SYNRG: variants seen among roughly 807,000 people sequenced by gnomAD.
SYNRG encodes AP1 gamma subunit binding protein 1.
A neutral mutation model predicts 130.9 loss-of-function variants in SYNRG; 37 were observed. That is an observed-to-expected ratio of 0.28 (90% CI 0.22 to 0.37). The LOEUF (loss-of-function observed/expected upper bound fraction) is 0.37. Among genes scored for constraint, SYNRG ranks in the 10% least tolerant of loss-of-function variants. The pLI, the probability that SYNRG is intolerant of heterozygous loss-of-function variation, is 1.00. For missense variants in SYNRG, 1,338 were observed against 1,588.9 expected (o/e 0.84, Z 2.68); for synonymous variants, 539 against 568.1 (o/e 0.95, Z 0.73).
At chr17:37,604,231 C>A (rs753663866) in intron 1 of SYNRG, among the ~76,000 whole-genome samples, 1 of 130,594 alleles carries the variant, frequency 7.7e-6, no homozygotes, top group African/African-American at 3.1e-5. Flanking sequence ...CAGAGTGAGA[C>A]TCTGTCTATA....
At chr17:37,589,605 C>T (rs1031551137) in intron 3 of SYNRG, among the ~76,000 whole-genome samples, 5 of 151,890 alleles carry the variant, frequency 3.3e-5, no homozygotes, top group African/African-American at 4.8e-5. Flanking sequence ...AAAAATTAGC[C>T]GGGCGTGGTG....
chr17:37,576,366 C>G lies in SYNRG; in HGVS notation c.876G>C (p.Trp292Cys). ...QDPAQPRMPP[W>C]IYNESLVPDA... is the part of the protein sequence containing the mutation. ...CTGGAACCAAACTCTCATTGTAAAT[C>G]CAAGGAGGCATTCTGGGCTGAGCAG... Residue 292 changes from tryptophan (W) to cysteine (C), a missense_variant, in exon 8 of 22, where the codon TGG becomes TGC. By Grantham distance (215) the Trp-to-Cys change is radical (BLOSUM62 -2). Coordinates refer to ENST00000612223, the MANE Select transcript of SYNRG (RefSeq NM_007247.6). The G allele has an allele frequency of 6.2e-7, 1 of 1,613,844 alleles. No homozygotes were observed. Among genetic ancestry groups the G allele is most frequent in the Non-Finnish European group, 8.5e-7 (1 of 1,179,898 alleles).
At chr17:37,534,630 C>G (rs547286298) in intron 19 of SYNRG, among the ~76,000 whole-genome samples, 9 of 151,982 alleles carry the variant, frequency 5.9e-5, no homozygotes, top group Admixed American at 2.6e-4. Flanking sequence ...CTTGCCAGAA[C>G]AGTATTTTTT....
chr17:37,572,730 AT>A (rs1252966273), intron 8 of SYNRG, among the ~76,000 whole-genome samples: 5 of 152,230 alleles, frequency 3.3e-5, no homozygotes, highest in African/African-American at 1.2e-4. Context: ...TGCTACGGAA[AT>A]ACAGCCTTTA....
chr17:37,533,588 CT>C lies in SYNRG; in HGVS notation c.3666+2390del, dbSNP rs533546189. ...ATTATATTTTCTTTCTTTTCTTTTT[CT>C]TTTTTTTTTTTTTTTGAGACAGAGA... On this transcript the variant is annotated intron_variant, in intron 19 of 21. Coordinates refer to ENST00000612223, the MANE Select transcript of SYNRG (RefSeq NM_007247.6). Among the ~76,000 whole-genome samples, 543 of 135,314 alleles carry C rather than the reference CT, an allele frequency of 4.0e-3. 1 individual carries two copies. The highest frequency in any genetic ancestry group is 5.9e-3 in the African/African-American group (217 of 36,750). The allele number at this position is 135,314 out of a possible 152,430, so 88.8% of individuals were successfully genotyped here.
chr17:37,553,783 T>C lies in SYNRG; in HGVS notation c.1940A>G (p.Gln647Arg), dbSNP rs745855958. The change falls in exon 14 of 22, where the codon CAG becomes CGG. Residue 647 changes from glutamine to arginine, a missense_variant. By Grantham distance (43) the Gln-to-Arg change is conservative. Coordinates refer to ENST00000612223, the MANE Select transcript of SYNRG (RefSeq NM_007247.6). Reference sequence around the variant, plus strand: ...CATAGTAGCAGCAGAACCTGTTGACTGTGGTGTAGAAACTGATTTTGATGT... The same window carrying C: ...CATAGTAGCAGCAGAACCTGTTGACCGTGGTGTAGAAACTGATTTTGATGT... ...FSTSKSVSTPQSTGSAATMTA... is the reference protein window; with the variant it reads ...FSTSKSVSTPRSTGSAATMTA... 2.5e-6 allele frequency: 4 copies of C among 1,612,398 alleles called. No homozygotes were observed. In the South Asian group the frequency reaches 4.4e-5, roughly 18 times the overall value.
At position 37,570,662 on chromosome 17, in the gene SYNRG, A is replaced by T. The variant is rs111738098; in HGVS notation, c.1322T>A (p.Phe441Tyr). The T allele has an allele frequency of 7.5e-5, 121 of 1,613,900 alleles. No homozygotes were observed. In the African/African-American group the frequency reaches 1.3e-3, roughly 18 times the overall value. ...GGAAAQASSG[F>Y]IPTYPANQVV... ...CTGATTTGCAGGGTAGGTTGGTATG[A>T]AACCACTAGAAGCCTGGGCTGCAGC... Residue 441 changes from phenylalanine to tyrosine, a missense_variant, in exon 10 of 22, where the codon TTC becomes TAC. By Grantham distance (22) the Phe-to-Tyr change is conservative. This residue lies in a region of SYNRG where 1,146 missense variants were observed against 1,342.3 expected (regional missense o/e 0.85). Coordinates refer to ENST00000612223, the MANE Select transcript of SYNRG (RefSeq NM_007247.6).
intron 6 of SYNRG, among the ~76,000 whole-genome samples, chr17:37,577,854 A>C (rs2060975208): frequency 4.5e-5 from 1 of 22,228 alleles, no homozygotes; most frequent in South Asian, 3.3e-3. Flanking sequence ...GCCCGCCACC[A>C]AGCCTGGCTA....
intron 19 of SYNRG, among the ~76,000 whole-genome samples, chr17:37,535,380 T>C (rs879453643): frequency 3.3e-5 from 5 of 152,210 alleles, no homozygotes; most frequent in East Asian, 1.9e-4. Flanking sequence ...TCTGGTAGCA[T>C]TGCAACCAAT....
chr17:37,587,207 C>T (rs1357873100), intron 3 of SYNRG, among the ~76,000 whole-genome samples: 2 of 152,054 alleles, frequency 1.3e-5, no homozygotes, highest in Admixed American at 6.6e-5. Context: ...AGAGCAAAGG[C>T]GCAATCACAA....
At chr17:37,591,647 A>C (rs1346253021) in intron 3 of SYNRG, among the ~76,000 whole-genome samples, 1 of 152,230 alleles carries the variant, frequency 6.6e-6, no homozygotes, top group Non-Finnish European at 1.5e-5. Flanking sequence ...AGAAAGATCC[A>C]TACAAGCATG....
In SYNRG at chr17:37,577,457, A is replaced by G; in HGVS notation, c.746T>C (p.Val249Ala). Residue 249 changes from valine (V) to alanine (A), a missense_variant, in exon 7 of 22, where the codon GTA becomes GCA. Coordinates refer to ENST00000612223, the MANE Select transcript of SYNRG (RefSeq NM_007247.6). ...PSLMASNGVA[V>A]DGCVSGTTTA... ...GGTGGTACCACTTACACATCCATCTACAGCAACCCCGTTACTGGCCATTAA... is the reference window on the plus strand; with the variant it reads ...GGTGGTACCACTTACACATCCATCTGCAGCAACCCCGTTACTGGCCATTAA... The G allele has an allele frequency of 6.2e-7, 1 of 1,614,144 alleles. No homozygotes were observed. The highest frequency in any genetic ancestry group is 8.5e-7 in the Non-Finnish European group (1 of 1,180,046).
chr17:37,578,158 C>T (rs2061003252), intron 6 of SYNRG, among the ~76,000 whole-genome samples: 1 of 151,704 alleles, frequency 6.6e-6, no homozygotes, highest in African/African-American at 2.4e-5. Context: ...AATGAAACCC[C>T]ATCTCTACTA....
intron 11 of SYNRG, 143 bp from the exon 12 acceptor site, chr17:37,561,732 C>A: frequency 2.1e-6 from 1 of 471,996 alleles, no homozygotes; most frequent in South Asian, 5.4e-5. Flanking sequence ...ATATAGTATA[C>A]ATATATACCA....
intron 6 of SYNRG, among the ~76,000 whole-genome samples, chr17:37,582,601 C>T (rs924223458): frequency 4.6e-5 from 7 of 152,150 alleles, no homozygotes; most frequent in African/African-American, 1.7e-4. Flanking sequence ...TTGCTCACAC[C>T]TGTAATCCTA....
chr17:37,556,866 T>C (rs1196702013), intron 13 of SYNRG, among the ~76,000 whole-genome samples: 1 of 152,254 alleles, frequency 6.6e-6, no homozygotes, highest in Non-Finnish European at 1.5e-5. Context: ...AAATTTTTAA[T>C]GTGTTGCTTT....
At chr17:37,606,116 T>C in intron 1 of SYNRG, 1 of 634,572 alleles carries the variant, frequency 1.6e-6, no homozygotes. Context: ...CCCTCTCTAG[T>C]TTGGGCACAA....
intron 16 of SYNRG, 89 bp from the exon 17 acceptor site, chr17:37,539,334 TTTCC>T: frequency 7.2e-7 from 1 of 1,395,508 alleles, no homozygotes; most frequent in Non-Finnish European, 1.0e-6. Flanking sequence ...CTTGGAGGAC[TTTCC>T]TTTTTATTAC....
At chr17:37,524,145 T>C (rs1194626656) in intron 19 of SYNRG, among the ~76,000 whole-genome samples, 3 of 152,066 alleles carry the variant, frequency 2.0e-5, no homozygotes, top group Non-Finnish European at 2.9e-5. Context: ...GGCATGGCAG[T>C]TGGTTTGTCT....
Sources: allele counts gnomAD v4.1 joint callset (sites outside exome capture counted in the v4.1 genomes callset), GRCh38; gene constraint gnomAD v4.1.1; regional missense constraint gnomAD v4.1.1; transcripts MANE v1.5; gene names NCBI Gene and HGNC (gene_info 2026-07-23, HGNC 2026-07-21).